CBLB: variants seen among roughly 807,000 people sequenced by gnomAD.
CBLB encodes Cbl proto-oncogene B, also known as E3 ubiquitin-protein ligase CBL-B.
In CBLB, 31 loss-of-function variants were observed where a neutral mutation model predicts 104.9. That is an observed-to-expected ratio of 0.30 (90% CI 0.22 to 0.40). The LOEUF is 0.40. Among genes scored for constraint, CBLB ranks in the 10% least tolerant of loss-of-function variants. The pLI is 1.00. For synonymous variants in CBLB, 440 were observed against 422.6 expected (o/e 1.04, Z -0.51); for missense variants, 1,062 against 1,214.6 (o/e 0.87, Z 1.87).
intron 3 of CBLB, among the ~76,000 whole-genome samples, chr3:105,803,974 T>G (rs1414504039): frequency 6.6e-6 from 1 of 152,200 alleles, no homozygotes; most frequent in East Asian, 1.9e-4. Flanking sequence ...GGAGTCTGTG[T>G]GCTTTTCTCT....
At chr3:105,744,218 T>C (rs2075891625) in intron 6 of CBLB, among the ~76,000 whole-genome samples, 1 of 152,070 alleles carries the variant, frequency 6.6e-6, no homozygotes, top group South Asian at 2.1e-4. Flanking sequence ...CCTCATTATT[T>C]CTATGATTGG....
At chr3:105,836,748 A>G (rs1189660203) in intron 3 of CBLB, among the ~76,000 whole-genome samples, 1 of 152,142 alleles carries the variant, frequency 6.6e-6, no homozygotes, top group Non-Finnish European at 1.5e-5. Flanking sequence ...TGGTCTAGTG[A>G]GTCAAAACAA....
intron 3 of CBLB, among the ~76,000 whole-genome samples, chr3:105,814,841 C>G (rs1489384481): frequency 6.6e-6 from 1 of 151,884 alleles, no homozygotes; most frequent in East Asian, 1.9e-4. Flanking sequence ...AGAAGAAAAT[C>G]CATAGTCTAA....
chr3:105,779,666 G>T (rs1031306245), intron 3 of CBLB, among the ~76,000 whole-genome samples: 2 of 150,476 alleles, frequency 1.3e-5, no homozygotes, highest in African/African-American at 4.9e-5. Context: ...AACTCATTCT[G>T]TTGGAGCTTA....
At chr3:105,829,703 C>CAAAAAAAAAA (rs1553844797) in intron 3 of CBLB, among the ~76,000 whole-genome samples, 1 of 60,104 alleles carries the variant, frequency 1.7e-5, no homozygotes. Flanking sequence ...AAAAAAAAAC[C>CAAAAAAAAAA]AAACTGCAGC....
chr3:105,864,317 G>A (rs752719144), intron 2 of CBLB, among the ~76,000 whole-genome samples: 3 of 152,044 alleles, frequency 2.0e-5, no homozygotes, highest in Non-Finnish European at 4.4e-5. Flanking sequence ...CCCCAGTAAC[G>A]AGCACTCAGT....
chr3:105,769,487 A>G (rs894795455), intron 4 of CBLB, among the ~76,000 whole-genome samples: 1 of 152,204 alleles, frequency 6.6e-6, no homozygotes, highest in African/African-American at 2.4e-5. Flanking sequence ...ATATTTTGAC[A>G]GATGTGAGCT....
chr3:105,807,690 A>G (rs2083696444), intron 3 of CBLB, among the ~76,000 whole-genome samples: 1 of 152,010 alleles, frequency 6.6e-6, no homozygotes. Flanking sequence ...TGCTTTAAAG[A>G]AAAAAAAGCA....
chr3:105,760,932 C>A (rs1369373244), intron 4 of CBLB, among the ~76,000 whole-genome samples: 1 of 152,152 alleles, frequency 6.6e-6, no homozygotes, highest in African/African-American at 2.4e-5. Context: ...CTATTAATAA[C>A]CAACATTTAA....
intron 10 of CBLB, among the ~76,000 whole-genome samples, chr3:105,712,301 C>G (rs1182846510): frequency 6.6e-6 from 1 of 152,152 alleles, no homozygotes; most frequent in Non-Finnish European, 1.5e-5. Flanking sequence ...ACCCTCAAAT[C>G]TTGTAGCAAA....
chr3:105,676,890 T>G (rs1553707658), intron 17 of CBLB, among the ~76,000 whole-genome samples: 1 of 152,182 alleles, frequency 6.6e-6, no homozygotes, highest in Non-Finnish European at 1.5e-5. Flanking sequence ...TTTCCCTGCT[T>G]GCTCACTCTC....
chr3:105,693,495 T>G lies in CBLB; in HGVS notation c.2053A>C (p.Lys685Gln). 2 of 1,602,836 alleles carry G rather than the reference T, an allele frequency of 1.2e-6. No homozygotes were observed. Among genetic ancestry groups the G allele is most frequent in the South Asian group, 2.2e-5 (2 of 90,768 alleles). Residue 685 changes from lysine to glutamine, a missense_variant and splice_region_variant, in exon 13 of 19, where the codon AAG becomes CAG. Transcript: ENST00000394030. The part of the protein sequence containing the change: ...PPVTTLLPSI[K>Q]CTGPLANSLS... ...ATCTCCAAATTCAACAAAACTCACT[T>G]TATGCTAGGGAGGAGGGTGGTAACT...
In CBLB at chr3:105,702,285, G is replaced by C; in HGVS notation, c.1768C>G (p.Leu590Val). The C allele has an allele frequency of 6.2e-7, 1 of 1,613,998 alleles. No individual in the cohort carries two copies. Among genetic ancestry groups the C allele is most frequent in the Non-Finnish European group, 8.5e-7 (1 of 1,179,974 alleles). The change falls in exon 12 of 19, where the codon CTT becomes GTT. Residue 590 changes from leucine to valine, a missense_variant. Around this residue, in one of 2 missense-constraint regions of CBLB, gnomAD observed 605 missense variants for 582.6 expected, o/e 1.04. Transcript: ENST00000394030. ...ACATCCCGAGGGCACCATGCTTCAA[G>C]AGGCATTGGCGGGTCTCTGGAAGGC... ...SVPSRDPPMP[L>V]EAWCPRDVFG... is the part of the protein sequence containing the mutation.
chr3:105,735,100 G>A lies in CBLB; in HGVS notation c.1072-960C>T, dbSNP rs1400003059. ...TAAGTGACTACAATGTGCCTGGCAC[G>A]GAGTAGGATAAATAAATAATAATAT... On this transcript the variant is annotated intron_variant, in intron 8 of 18. Transcript: ENST00000394030. Among the ~76,000 whole-genome samples the A allele has an allele frequency of 1.8e-4, 27 of 152,136 alleles. 1 individual carries two copies. Among genetic ancestry groups the A allele is most frequent in the Admixed American group, 1.4e-3 (22 of 15,276 alleles).
At chr3:105,852,739 T>C (rs1577877091) in intron 3 of CBLB, among the ~76,000 whole-genome samples, 1 of 152,060 alleles carries the variant, frequency 6.6e-6, no homozygotes, top group East Asian at 1.9e-4. Flanking sequence ...TTATCTTTTA[T>C]ACAGTATTTT....
intron 18 of CBLB, among the ~76,000 whole-genome samples, chr3:105,663,708 T>G (rs2064057408): frequency 1.3e-5 from 2 of 152,152 alleles, no homozygotes; most frequent in African/African-American, 4.8e-5. Context: ...ATACCCAGAA[T>G]GATTACTCTA....
intron 4 of CBLB, among the ~76,000 whole-genome samples, chr3:105,753,565 T>TA (rs1323558798): frequency 1.3e-5 from 2 of 151,700 alleles, no homozygotes; most frequent in African/African-American, 2.4e-5. Flanking sequence ...ATACTCAGAG[T>TA]AAAAAAAATA....
At chr3:105,830,838 C>T (rs573912639) in intron 3 of CBLB, among the ~76,000 whole-genome samples, 1 of 152,280 alleles carries the variant, frequency 6.6e-6, no homozygotes, top group East Asian at 1.9e-4. Flanking sequence ...AAAAGTTGGT[C>T]AATTCATTCA....
At chr3:105,728,951 A>G (rs1024004316) in intron 9 of CBLB, among the ~76,000 whole-genome samples, 1 of 152,138 alleles carries the variant, frequency 6.6e-6, no homozygotes, top group African/African-American at 2.4e-5. Flanking sequence ...TCTCTAATGA[A>G]TTTCAATTAA....
Sources: gnomAD v4.1 joint callset for allele counts (sites outside exome capture counted in the v4.1 genomes callset) on GRCh38, gnomAD v4.1.1 for gene constraint, gnomAD v4.1.1 regional missense constraint, MANE v1.5 for transcripts, NCBI Gene and HGNC (gene_info 2026-07-23, HGNC 2026-07-21) for gene names.